The following CEP162 variants were observed in gnomAD, a reference collection of about 807,000 sequenced individuals.
CEP162 encodes the protein centrosomal protein of 162 kDa.
A neutral mutation model predicts 169.2 loss-of-function variants in CEP162; 141 were observed. The observed-to-expected ratio is 0.83, with a 90% CI of 0.73 to 0.96. The LOEUF is 0.96. CEP162 is among the 40% of genes least tolerant of loss of function. CEP162 has a pLI of 0.00. For synonymous variants in CEP162, 540 were observed against 526.4 expected (o/e 1.03, Z -0.35); for missense variants, 1,600 against 1,587.2 (o/e 1.01, Z -0.14).
rs2099540838 is a variant in CEP162 at position 84,193,690 on chromosome 6, T to C, written c.1028A>G (p.Asp343Gly). ...NSKNISTMES[D>G]LPTVEELMKP... ...CATCAGCTCCTCTACTGTGGGCAGA[T>C]CTAAGAGGTGGAAAAAAAAGTAGAA... Residue 343 changes from aspartate (D) to glycine (G), a missense_variant and splice_region_variant, in exon 11 of 27, where the codon GAT becomes GGT. Physicochemically the swap from Asp to Gly is moderately conservative, Grantham distance 94. Coordinates refer to ENST00000403245, the MANE Select transcript of CEP162 (RefSeq NM_014895.4). 1 of 1,548,566 alleles carries C rather than the reference T, an allele frequency of 6.5e-7. No homozygotes were observed. The highest frequency in any genetic ancestry group is 2.4e-5 in the East Asian group (1 of 42,198).
chr6:84,124,710 G>A lies in CEP162; in HGVS notation c.*360C>T. The A allele has an allele frequency of 3.6e-6, 1 of 279,396 alleles. No homozygotes were observed. Among genetic ancestry groups the A allele is most frequent in the Non-Finnish European group, 6.7e-6 (1 of 148,910 alleles). The allele number at this position is 279,396 out of a possible 1,614,324, so 17.3% of individuals were successfully genotyped here. ...TACACCCATGTTACAACAAGCACAT[G>A]TACCCCCTGGATCTAAAATAAAAAT... On this transcript the variant is annotated 3_prime_UTR_variant, in exon 27 of 27. Coordinates refer to ENST00000403245, the MANE Select transcript of CEP162 (RefSeq NM_014895.4).
chr6:84,147,035 C>G (rs958207050), intron 24 of CEP162, among the ~76,000 whole-genome samples: 2 of 152,076 alleles, frequency 1.3e-5, no homozygotes, highest in Non-Finnish European at 2.9e-5. Context: ...AAACGGACAC[C>G]TGGCACTTGC....
intron 25 of CEP162, among the ~76,000 whole-genome samples, chr6:84,130,561 C>T (rs943140349): frequency 8.5e-5 from 13 of 152,122 alleles, no homozygotes; most frequent in African/African-American, 1.2e-4. Flanking sequence ...TTCAGGGATT[C>T]GACTTCTTCC....
At chr6:84,215,676 T>C (rs2099551271) in intron 4 of CEP162, 100 bp downstream of exon 4, 1 of 1,437,650 alleles carries the variant, frequency 7.0e-7, no homozygotes, top group Non-Finnish European at 9.3e-7. Context: ...TAAATCTGTC[T>C]ACATGCTTCA....
intron 13 of CEP162, among the ~76,000 whole-genome samples, chr6:84,176,770 C>A (rs2099532583): frequency 6.6e-6 from 1 of 152,114 alleles, no homozygotes; most frequent in East Asian, 1.9e-4. Flanking sequence ...TAATACTCAA[C>A]CTATCACATG....
At chr6:84,189,703 C>G (rs542199745) in intron 11 of CEP162, among the ~76,000 whole-genome samples, 28 of 152,360 alleles carry the variant, frequency 1.8e-4, no homozygotes, top group African/African-American at 6.3e-4. Flanking sequence ...AGCACCACCC[C>G]CTGCTCCACG....
At chr6:84,171,221 G>A (rs1351482470) in intron 17 of CEP162, among the ~76,000 whole-genome samples, 1 of 152,154 alleles carries the variant, frequency 6.6e-6, no homozygotes, top group Non-Finnish European at 1.5e-5. Flanking sequence ...GACCCAAGAA[G>A]ATCATAAGTG....
intron 9 of CEP162, among the ~76,000 whole-genome samples, chr6:84,195,701 T>C (rs1055614006): frequency 2.6e-5 from 4 of 152,200 alleles, no homozygotes; most frequent in African/African-American, 7.2e-5. Flanking sequence ...TTCTTTTTGT[T>C]ATTACCATAA....
At chr6:84,215,985 C>A (rs2099551409) in intron 3 of CEP162, 63 bp from the exon 4 acceptor site, 4 of 1,451,750 alleles carry the variant, frequency 2.8e-6, no homozygotes, top group South Asian at 1.5e-5. Context: ...GCCACTATGA[C>A]AACACAATAA....
intron 11 of CEP162, among the ~76,000 whole-genome samples, chr6:84,190,550 C>A (rs911011187): frequency 1.3e-5 from 2 of 152,002 alleles, no homozygotes; most frequent in Non-Finnish European, 1.5e-5. Flanking sequence ...CTGAGCCCAG[C>A]GAGACCACGA....
chr6:84,185,228 T>G lies in CEP162; in HGVS notation c.1622A>C (p.Asn541Thr), dbSNP rs1176451083. The change falls in exon 13 of 27, where the codon AAC becomes ACC. Residue 541 changes from asparagine (N) to threonine (T), a missense_variant. Asn to Thr is a moderately conservative substitution (Grantham distance 65). Transcript: ENST00000403245. ...ATTGGAGGTAGAAATCGATCTCAAG[T>G]TTTTGCTTTTTATAATGTCCTCTGA... Reference protein sequence around the residue: ...KTSEDIIKSKNLRSISTSNQP... With the variant: ...KTSEDIIKSKTLRSISTSNQP... 1 of 1,613,036 alleles carries G rather than the reference T, an allele frequency of 6.2e-7. No homozygotes were observed. Among genetic ancestry groups the G allele is most frequent in the Admixed American group, 1.7e-5 (1 of 59,958 alleles).
chr6:84,164,933 T>C (rs1588769765), intron 18 of CEP162, among the ~76,000 whole-genome samples: 1 of 152,226 alleles, frequency 6.6e-6, no homozygotes, highest in East Asian at 1.9e-4. Flanking sequence ...CCAAAGTCCT[T>C]ACCATGACCT....
intron 13 of CEP162, among the ~76,000 whole-genome samples, chr6:84,176,677 A>C (rs1203373057): frequency 6.6e-6 from 1 of 152,186 alleles, no homozygotes; most frequent in Non-Finnish European, 1.5e-5. Flanking sequence ...GAGATGCTAA[A>C]CTGGTAAATA....
At chr6:84,185,942 G>T (rs1315771813) in intron 12 of CEP162, among the ~76,000 whole-genome samples, 5 of 152,078 alleles carry the variant, frequency 3.3e-5, no homozygotes, top group Non-Finnish European at 5.9e-5. Flanking sequence ...TCAGTAAAAT[G>T]TAAATTTCTT....
chr6:84,134,486 A>G (rs999974812), intron 25 of CEP162, among the ~76,000 whole-genome samples: 2 of 152,176 alleles, frequency 1.3e-5, no homozygotes, highest in Non-Finnish European at 2.9e-5. Flanking sequence ...TAGGCACCCA[A>G]GTGAATCTTC....
At chr6:84,179,571 T>C (rs1012894795) in intron 13 of CEP162, among the ~76,000 whole-genome samples, 1 of 152,202 alleles carries the variant, frequency 6.6e-6, no homozygotes, top group Non-Finnish European at 1.5e-5. Context: ...ATTAGCCCTT[T>C]GTCAGATGAG....
At position 84,225,690 on chromosome 6, in the gene CEP162, C is replaced by A. The variant is rs575625993; in HGVS notation, c.57+647G>T. On this transcript the variant is annotated intron_variant, in intron 2 of 26. Coordinates refer to ENST00000403245, the MANE Select transcript of CEP162 (RefSeq NM_014895.4). The stretch of plus-strand genomic sequence containing the variant: ...CTTATAATGGGAAGCAGAAAACAGA[C>A]CCATACAAGAAAAATAATTAATGTG... 5.7e-4 allele frequency among the ~76,000 whole-genome samples: 86 copies of A among 150,016 alleles called. 1 individual carries two copies. The South Asian group carries it at 0.018, about 31-fold the overall frequency.
At chr6:84,154,539 C>T (rs2099522425) in intron 22 of CEP162, among the ~76,000 whole-genome samples, 5 of 152,020 alleles carry the variant, frequency 3.3e-5, no homozygotes, top group Admixed American at 2.0e-4. Flanking sequence ...TTGCTTTTCT[C>T]GGGATATAAA....
chr6:84,135,521 C>T (rs1417259464), intron 25 of CEP162, among the ~76,000 whole-genome samples: 1 of 152,186 alleles, frequency 6.6e-6, no homozygotes, highest in African/African-American at 2.4e-5. Flanking sequence ...AGAAACTACA[C>T]ATCTCAATTT....
Sources: allele counts gnomAD v4.1 joint callset (sites outside exome capture counted in the v4.1 genomes callset), GRCh38; gene constraint gnomAD v4.1.1; transcripts MANE v1.5; gene names NCBI Gene and HGNC (gene_info 2026-07-23, HGNC 2026-07-21).